The following CCDC85C variants were observed in gnomAD, a reference collection of about 807,000 sequenced individuals.
CCDC85C encodes coiled-coil domain-containing protein 85C.
CCDC85C carries 18 observed loss-of-function variants against 38.3 expected under a neutral mutation model. The observed-to-expected ratio is 0.47, with a 90% CI of 0.33 to 0.70. The LOEUF is 0.70. Among genes scored for constraint, CCDC85C ranks in the 30% least tolerant of loss-of-function variants. The probability of loss-of-function intolerance (pLI) is 0.03; values close to 1 mark genes in which losing one functional copy is unlikely to be tolerated. For synonymous variants in CCDC85C, 264 were observed against 293.8 expected (o/e 0.90, Z 1.04); for missense variants, 566 against 621.2 (o/e 0.91, Z 0.94).
chr14:99,535,991 C>T lies in CCDC85C; in HGVS notation c.867+24G>A. On this transcript the variant is annotated intron_variant, in intron 2 of 5. Transcript: ENST00000380243. This position sits in a 1 kb window ranked among gnomAD's most constrained non-coding sequence, Gnocchi z 5.5. ...GGGTGCTGGGTCGCGGTCCTCAAGG[C>T]AGCGCCACCCGAAGCCGGCCTACCT... The T allele has an allele frequency of 6.5e-7, 1 of 1,544,616 alleles. No homozygotes were observed. Among genetic ancestry groups the T allele is most frequent in the South Asian group, 1.2e-5 (1 of 83,910 alleles).
At chr14:99,518,400 C>G (rs1372198758) in intron 3 of CCDC85C, among the ~76,000 whole-genome samples, 1 of 152,158 alleles carries the variant, frequency 6.6e-6, no homozygotes, top group East Asian at 1.9e-4. Context: ...AGGAAAGCGT[C>G]ATTGAGGTGG....
chr14:99,546,903 T>C (rs912187830), intron 1 of CCDC85C, among the ~76,000 whole-genome samples: 10 of 152,340 alleles, frequency 6.6e-5, no homozygotes, highest in African/African-American at 2.2e-4. Context: ...GCACAGTGGC[T>C]CATGCCTGTA....
intron 1 of CCDC85C, among the ~76,000 whole-genome samples, chr14:99,599,205 G>A (rs866541863): frequency 6.6e-5 from 10 of 152,034 alleles, no homozygotes; most frequent in African/African-American, 2.2e-4. Context: ...AACACAAGCA[G>A]GAGAACAAAC....
rs1227237661 is a variant in CCDC85C at position 99,533,620 on chromosome 14, C to T, written c.867+2395G>A. On this transcript the variant is annotated intron_variant, in intron 2 of 5. Coordinates refer to ENST00000380243, the MANE Select transcript of CCDC85C (RefSeq NM_001144995.2). This position sits in a 1 kb window ranked among gnomAD's most constrained non-coding sequence, Gnocchi z 4.2. ...CTCCCCAGCCATCAGGATCTGATGTCGGTGCCCTGCAGACCTGGCCCACGG... is the reference window on the plus strand; with the variant it reads ...CTCCCCAGCCATCAGGATCTGATGTTGGTGCCCTGCAGACCTGGCCCACGG... Among the ~76,000 whole-genome samples, 4 of 152,230 alleles carry T rather than the reference C, an allele frequency of 2.6e-5. No individual in the cohort carries two copies. Among genetic ancestry groups the T allele is most frequent in the African/African-American group, 7.2e-5 (3 of 41,470 alleles).
rs2055243774 is a variant in CCDC85C, at chr14:99,603,989, G to T, written c.-30C>A. On this transcript the variant is annotated 5_prime_UTR_variant, in exon 1 of 6. Coordinates refer to ENST00000380243, the MANE Select transcript of CCDC85C (RefSeq NM_001144995.2). This position sits in a 1 kb window ranked among gnomAD's most constrained non-coding sequence, Gnocchi z 7.5. ...GGGCCGTCACCGCGGCATCGCCCTCGCCCTCGCCCGGCCGGCGCTTCCCCG... is the reference window on the plus strand; with the variant it reads ...GGGCCGTCACCGCGGCATCGCCCTCTCCCTCGCCCGGCCGGCGCTTCCCCG... 8.1e-7 allele frequency: 1 copy of T among 1,227,436 alleles called. No individual in the cohort carries two copies. Among genetic ancestry groups the T allele is most frequent in the Middle Eastern group, 3.2e-4 (1 of 3,154 alleles). 76.0% of individuals were successfully genotyped at this position (1,227,436 alleles called of 1,614,324 possible).
rs555227792 is a variant in CCDC85C, at chr14:99,552,794, G to A, written c.794-16706C>T. 7.2e-5 allele frequency among the ~76,000 whole-genome samples: 11 copies of A among 152,382 alleles called. No homozygotes were observed. In the South Asian group the frequency reaches 1.2e-3, roughly 17 times the overall value. On this transcript the variant is annotated intron_variant, in intron 1 of 5. Coordinates refer to ENST00000380243, the MANE Select transcript of CCDC85C (RefSeq NM_001144995.2). ...TTGGACCCAAGGTTCTCCCCGCAAG[G>A]GGGCCACGAGCTTCCGGGGCTCAAG... is the stretch of plus-strand genomic sequence containing the variant.
intron 1 of CCDC85C, among the ~76,000 whole-genome samples, chr14:99,568,299 C>T (rs1455305848): frequency 6.9e-6 from 1 of 145,394 alleles, no homozygotes; most frequent in African/African-American, 2.6e-5. Context: ...GTCACCCAGG[C>T]TGGAGTGCAA....
At position 99,512,038 on chromosome 14, in the gene CCDC85C, G is replaced by T. The variant is rs1897142850; in HGVS notation, c.*3208C>A. On this transcript the variant is annotated 3_prime_UTR_variant, in exon 6 of 6. Coordinates refer to ENST00000380243, the MANE Select transcript of CCDC85C (RefSeq NM_001144995.2). Reference sequence around the variant, plus strand: ...CAAGCACTGAGCACCCAGCCAGGAGGCTCACAAAGAGGCCTTTATTTATCT... The same window carrying T: ...CAAGCACTGAGCACCCAGCCAGGAGTCTCACAAAGAGGCCTTTATTTATCT... The T allele has an allele frequency of 6.6e-6, 1 of 152,224 alleles. No individual in the cohort carries two copies. Among genetic ancestry groups the T allele is most frequent in the Non-Finnish European group, 1.5e-5 (1 of 68,046 alleles). The allele number at this position is 152,224 out of a possible 1,614,324, so 9.4% of individuals were successfully genotyped here. A position where few individuals can be genotyped will look rare whatever the true frequency, so the allele number is the denominator to read the frequency against.
intron 1 of CCDC85C, among the ~76,000 whole-genome samples, chr14:99,554,343 C>T (rs1897971374): frequency 6.6e-6 from 1 of 152,158 alleles, no homozygotes. Flanking sequence ...CCCCACCCAG[C>T]CTTGGTCACT....
At position 99,581,646 on chromosome 14, in the gene CCDC85C, A is replaced by G. The variant is rs957210922; in HGVS notation, c.793+21521T>C. ...TCTCTCGCCTGCCTGCGCCAGGCCA[A>G]AGGAGGATTTCCAGGGGGATTTCTC... On this transcript the variant is annotated intron_variant, in intron 1 of 5. Coordinates refer to ENST00000380243, the MANE Select transcript of CCDC85C (RefSeq NM_001144995.2). Among the ~76,000 whole-genome samples the G allele has an allele frequency of 6.6e-5, 10 of 152,308 alleles. No homozygotes were observed. In the South Asian group the frequency reaches 8.3e-4, roughly 13 times the overall value.
At chr14:99,571,421 T>G (rs1408529299) in intron 1 of CCDC85C, among the ~76,000 whole-genome samples, 1 of 152,160 alleles carries the variant, frequency 6.6e-6, no homozygotes, top group Non-Finnish European at 1.5e-5. Context: ...GATGACCAAG[T>G]GCCTTTTGGG....
In CCDC85C at chr14:99,603,677, G is replaced by C; in HGVS notation, c.283C>G (p.Arg95Gly). The C allele has an allele frequency of 6.7e-7, 1 of 1,494,812 alleles. No homozygotes were observed. The highest frequency in any genetic ancestry group is 8.9e-7 in the Non-Finnish European group (1 of 1,124,210). The allele number at this position is 1,494,812 out of a possible 1,614,324, so 92.6% of individuals were successfully genotyped here. Residue 95 changes from arginine (R) to glycine (G), a missense_variant, in exon 1 of 6, where the codon CGG becomes GGG. Physicochemically the swap from Arg to Gly is moderately radical, Grantham distance 125. Transcript: ENST00000380243. The surrounding 1 kb of genome is among the most constrained non-coding windows in gnomAD (Gnocchi z 7.5). ...RELCCFLDDD[R>G]QKGRKLAREW... ...CGCGCCAGCTTGCGCCCCTTCTGCC[G>C]GTCGTCGTCGAGGAAGCAGCAGAGC...
At position 99,501,092 on chromosome 14, in the gene CCDC85C, A is replaced by G. The variant is rs1252869867; in HGVS notation, c.*14154T>C. 12 of 600,032 alleles carry G rather than the reference A, an allele frequency of 2.0e-5. No individual in the cohort carries two copies. The highest frequency in any genetic ancestry group is 2.0e-5 in the Non-Finnish European group (7 of 342,330). The allele number at this position is 600,032 out of a possible 1,614,324, so 37.2% of individuals were successfully genotyped here. A position where few individuals can be genotyped will look rare whatever the true frequency, so the allele number is the denominator to read the frequency against. On this transcript the variant is annotated 3_prime_UTR_variant, in exon 6 of 6. Coordinates refer to ENST00000380243, the MANE Select transcript of CCDC85C (RefSeq NM_001144995.2). ...CCAGTTGCCAAGTGATGGGAGAGGCAGGAAAATGAGGCAGAATTTTTTAAA... is the reference window on the plus strand; with the variant it reads ...CCAGTTGCCAAGTGATGGGAGAGGCGGGAAAATGAGGCAGAATTTTTTAAA...
chr14:99,587,654 TG>T (rs2055041206), intron 1 of CCDC85C, among the ~76,000 whole-genome samples: 1 of 152,048 alleles, frequency 6.6e-6, no homozygotes, highest in Non-Finnish European at 1.5e-5. Flanking sequence ...GGGCCTGGCG[TG>T]GGGGAGAGGC....
At chr14:99,550,828 G>A (rs992330109) in intron 1 of CCDC85C, among the ~76,000 whole-genome samples, 8 of 152,172 alleles carry the variant, frequency 5.3e-5, no homozygotes, top group Admixed American at 1.3e-4. Flanking sequence ...ACCAGCACCA[G>A]CTGACCATGG....
chr14:99,545,752 G>C lies in CCDC85C; in HGVS notation c.794-9664C>G, dbSNP rs1308066379. 6.6e-6 allele frequency among the ~76,000 whole-genome samples: 1 copy of C among 152,144 alleles called. No homozygotes were observed. The highest frequency in any genetic ancestry group is 1.5e-5 in the Non-Finnish European group (1 of 68,030). On this transcript the variant is annotated intron_variant, in intron 1 of 5. Coordinates refer to ENST00000380243, the MANE Select transcript of CCDC85C (RefSeq NM_001144995.2). This position sits in a 1 kb window ranked among gnomAD's most constrained non-coding sequence, Gnocchi z 4.7. ...ATTCAGCCTGCAGCTCCCAGCATCA[G>C]GCTGAAAGGTACGCCCTCCTGGCTC...
chr14:99,568,577 A>C (rs1281770257), intron 1 of CCDC85C, among the ~76,000 whole-genome samples: 1 of 152,118 alleles, frequency 6.6e-6, no homozygotes, highest in African/African-American at 2.4e-5. Context: ...CCCGCTCAGG[A>C]AAGACGTGGC....
At chr14:99,555,523 A>G (rs1897993840) in intron 1 of CCDC85C, among the ~76,000 whole-genome samples, 1 of 152,158 alleles carries the variant, frequency 6.6e-6, no homozygotes, top group Non-Finnish European at 1.5e-5. Flanking sequence ...GGCAATAATG[A>G]TAATAAGAGC....
At chr14:99,523,785 A>G (rs909170745) in intron 2 of CCDC85C, among the ~76,000 whole-genome samples, 3 of 152,164 alleles carry the variant, frequency 2.0e-5, no homozygotes, top group African/African-American at 7.2e-5. Flanking sequence ...AAGGGGTCTC[A>G]GCACGGGGGC....
Sources: gnomAD v4.1 joint callset for allele counts (sites outside exome capture counted in the v4.1 genomes callset) on GRCh38, gnomAD v4.1.1 for gene constraint, Gnocchi (gnomAD v3.1) non-coding constraint, MANE v1.5 for transcripts, NCBI Gene and HGNC (gene_info 2026-07-23, HGNC 2026-07-21) for gene names.